RYR2: variants seen among roughly 807,000 people sequenced by gnomAD.
RYR2 encodes cardiac muscle ryanodine receptor-calcium release channel.
In RYR2, 227 loss-of-function variants were observed where a neutral mutation model predicts 601.1. That is an observed-to-expected ratio of 0.38 (90% CI 0.34 to 0.42). The LOEUF (loss-of-function observed/expected upper bound fraction) is 0.42, where lower values mean the gene tolerates loss of function less well. Ranked by LOEUF, RYR2 falls within the 10% of genes least tolerant of loss-of-function variation. The pLI, the probability that RYR2 is intolerant of heterozygous loss-of-function variation, is 1.00. For missense variants in RYR2, 4,646 were observed against 6,156.5 expected (o/e 0.75, Z 8.21); for synonymous variants, 2,223 against 2,175.1 (o/e 1.02, Z -0.61).
rs1553264645 is a variant in RYR2, at chr1:237,640,905, A to G, written c.7124A>G (p.Glu2375Gly). ...TGAAACATTCATGAAAGTGACACAG[A>G]GGAGGAGGAAGATGACACTATCCAC... ...NSGSSKTLDT[E>G]EEEDDTIHMG... The change falls in exon 47 of 105, where the codon GAG becomes GGG. Residue 2375 changes from glutamate to glycine, a missense_variant. By Grantham distance (98) the Glu-to-Gly change is moderately conservative (BLOSUM62 -2). Transcript: ENST00000366574. The G allele has an allele frequency of 2.5e-6, 4 of 1,612,516 alleles. No homozygotes were observed. The highest frequency in any genetic ancestry group is 3.4e-6 in the Non-Finnish European group (4 of 1,179,102).
chr1:237,708,330 CA>C (rs980665211), intron 68 of RYR2, among the ~76,000 whole-genome samples: 34 of 152,140 alleles, frequency 2.2e-4, no homozygotes, highest in African/African-American at 8.2e-4. Flanking sequence ...ATGTTACTTT[CA>C]GGGGGAAAAA....
intron 29 of RYR2, among the ~76,000 whole-genome samples, chr1:237,588,527 T>C (rs1674784371): frequency 6.6e-6 from 1 of 152,036 alleles, no homozygotes; most frequent in African/African-American, 2.4e-5. Flanking sequence ...AACATTCATG[T>C]AAAACATTAC....
At chr1:237,491,387 C>T (rs1331623009) in intron 17 of RYR2, among the ~76,000 whole-genome samples, 1 of 152,194 alleles carries the variant, frequency 6.6e-6, no homozygotes. Flanking sequence ...TCCCCTCCCC[C>T]ACTCACTCTG....
chr1:237,639,043 C>A lies in RYR2; in HGVS notation c.6957C>A (p.Val2319=), dbSNP rs768367111. The A allele has an allele frequency of 6.2e-7, 1 of 1,613,828 alleles. No individual in the cohort carries two copies. The highest frequency in any genetic ancestry group is 2.2e-5 in the East Asian group (1 of 44,866). Residue 2319 remains valine (V), a synonymous_variant, in exon 46 of 105, where the codon GTC becomes GTA. Transcript: ENST00000366574. ...AGAGTGTGGAGGAAAATGCAAATGT[C>A]GTGGTGAGATTGCTCATTCGGAGGC... ...NGESVEENAN[V]VVRLLIRRPE...
At chr1:237,769,522 C>CT (rs1198554485) in intron 84 of RYR2, among the ~76,000 whole-genome samples, 1 of 152,018 alleles carries the variant, frequency 6.6e-6, no homozygotes, top group Non-Finnish European at 1.5e-5. Context: ...ATTTTATGTA[C>CT]TTTTTTTAAT....
intron 81 of RYR2, 34 bp downstream of exon 81, chr1:237,756,421 G>T (rs776379445): frequency 7.2e-7 from 1 of 1,386,756 alleles, no homozygotes. Context: ...ACGAGTGTCT[G>T]TTCTTCAGAT....
intron 10 of RYR2, among the ~76,000 whole-genome samples, chr1:237,393,114 G>T (rs1702524421): frequency 6.6e-6 from 1 of 152,118 alleles, no homozygotes; most frequent in Non-Finnish European, 1.5e-5. Flanking sequence ...TATGTTTTGT[G>T]GGGTGGTATG....
chr1:237,255,215 G>C (rs1687836771), intron 1 of RYR2, among the ~76,000 whole-genome samples: 1 of 152,178 alleles, frequency 6.6e-6, no homozygotes, highest in Admixed American at 6.5e-5. Flanking sequence ...TGATGTTACT[G>C]TTTGGTGAAT....
intron 1 of RYR2, among the ~76,000 whole-genome samples, chr1:237,042,820 G>GGC (rs957563615): frequency 9.2e-5 from 14 of 152,176 alleles, no homozygotes; most frequent in Admixed American, 9.2e-4. Context: ...GCCGGCGGCA[G>GGC]GCGCCCGGGC....
At chr1:237,357,610 T>C (rs1699412702) in intron 4 of RYR2, among the ~76,000 whole-genome samples, 1 of 152,168 alleles carries the variant, frequency 6.6e-6, no homozygotes, top group African/African-American at 2.4e-5. Flanking sequence ...CTTATTCCTA[T>C]AATAATTTAT....
At chr1:237,212,835 C>T (rs1034461433) in intron 1 of RYR2, among the ~76,000 whole-genome samples, 1 of 150,418 alleles carries the variant, frequency 6.6e-6, no homozygotes, top group Admixed American at 6.6e-5. Context: ...AGTGCAGTAG[C>T]GTGATCTCGA....
chr1:237,292,527 G>T (rs1692339991), intron 2 of RYR2, among the ~76,000 whole-genome samples: 1 of 152,088 alleles, frequency 6.6e-6, no homozygotes, highest in African/African-American at 2.4e-5. Context: ...ATTTATTTTA[G>T]AATGTTTATA....
chr1:237,197,035 G>A lies in RYR2; in HGVS notation c.49-73462G>A, dbSNP rs577265710. Among the ~76,000 whole-genome samples the A allele has an allele frequency of 2.0e-5, 3 of 152,012 alleles. No individual in the cohort carries two copies. In the South Asian group the frequency reaches 6.2e-4, roughly 32 times the overall value. On this transcript the variant is annotated intron_variant, in intron 1 of 104. Coordinates refer to ENST00000366574, the MANE Select transcript of RYR2 (RefSeq NM_001035.3). ...TCATTTTTTTCTTGCTGTTGTGAAT[G>A]GAATCTTTAAAAACATATATGTTCT... is the stretch of plus-strand genomic sequence containing the variant.
intron 16 of RYR2, among the ~76,000 whole-genome samples, chr1:237,461,129 C>A (rs957390966): frequency 1.3e-5 from 2 of 152,144 alleles, no homozygotes; most frequent in Non-Finnish European, 2.9e-5. Context: ...TTTTCCTCAT[C>A]GGAAAATGGC....
At chr1:237,797,980 A>G (rs560246175) in intron 96 of RYR2, 57 bp from the exon 97 acceptor site, 2 of 1,473,360 alleles carry the variant, frequency 1.4e-6, no homozygotes, top group African/African-American at 2.8e-5. Flanking sequence ...ATACACACAT[A>G]TAGATGATGT....
intron 62 of RYR2, among the ~76,000 whole-genome samples, chr1:237,683,010 G>A (rs1449108876): frequency 6.6e-6 from 1 of 152,126 alleles, no homozygotes; most frequent in African/African-American, 2.4e-5. Flanking sequence ...ATGGAGATGA[G>A]TATAATACTT....
At chr1:237,337,251 C>CAAAAAA (rs1402777135) in intron 3 of RYR2, among the ~76,000 whole-genome samples, 2 of 65,394 alleles carry the variant, frequency 3.1e-5, no homozygotes, top group Non-Finnish European at 3.5e-5. Flanking sequence ...GTATCCATCT[C>CAAAAAA]AAAAAAAAAA....
chr1:237,723,295 CT>C, intron 74 of RYR2, 33 bp downstream of exon 74: 2 of 1,572,320 alleles, frequency 1.3e-6, no homozygotes, highest in Non-Finnish European at 1.7e-6. Flanking sequence ...TCATATTTGC[CT>C]TAGCCACATA....
chr1:237,143,370 A>G (rs74644555), intron 1 of RYR2, among the ~76,000 whole-genome samples: 4,084 of 152,076 alleles, frequency 0.027, 179 homozygotes, highest in African/African-American at 0.093. Context: ...TGCAACTCTT[A>G]CCCTCTCCTC....
Sources: allele counts gnomAD v4.1 joint callset (sites outside exome capture counted in the v4.1 genomes callset), GRCh38; gene constraint gnomAD v4.1.1; transcripts MANE v1.5; gene names NCBI Gene and HGNC (gene_info 2026-07-23, HGNC 2026-07-21).